The following SLC5A4 variants were observed in gnomAD, a reference collection of about 807,000 sequenced individuals.
The protein encoded by SLC5A4 is probable glucose sensor protein SLC5A4.
SLC5A4 carries 55 observed loss-of-function variants against 70.3 expected under a neutral mutation model. That is an observed-to-expected ratio of 0.78 (90% CI 0.63 to 0.98). The LOEUF (loss-of-function observed/expected upper bound fraction) is 0.98. Ranked by LOEUF, SLC5A4 falls within the 50% of genes least tolerant of loss-of-function variation. SLC5A4 has a pLI of 0.00. For missense variants in SLC5A4, 735 were observed against 839.2 expected (o/e 0.88, Z 1.53); for synonymous variants, 268 against 305.7 (o/e 0.88, Z 1.29).
chr22:32,335,184 T>C, the SLC5A4 span, among the ~76,000 whole-genome samples: 421 of 152,256 alleles, frequency 2.8e-3, 3 homozygotes, highest in African/African-American at 9.7e-3. Flanking sequence ...GCAGCTGTGC[T>C]TCTCTGGCTC....
the SLC5A4 span, among the ~76,000 whole-genome samples, chr22:32,298,810 GT>G: frequency 8.6e-6 from 1 of 115,890 alleles, no homozygotes; most frequent in African/African-American, 3.4e-5. Context: ...TCCTTTCCAT[GT>G]TTAGCACTTC....
At chr22:32,230,928 AC>A (rs1234311807) in intron 10 of SLC5A4, 39 bp downstream of exon 10, 2 of 1,305,766 alleles carry the variant, frequency 1.5e-6, no homozygotes, top group Admixed American at 3.4e-5. Flanking sequence ...CCCGTCTTAG[AC>A]AGGCCTCTGG....
chr22:32,343,454 A>C, the SLC5A4 span, among the ~76,000 whole-genome samples: 1 of 152,240 alleles, frequency 6.6e-6, no homozygotes. Context: ...CGGTAAAAGC[A>C]ACACTCTAAG....
chr22:32,331,565 C>T, the SLC5A4 span, among the ~76,000 whole-genome samples: 1 of 152,132 alleles, frequency 6.6e-6, no homozygotes, highest in Non-Finnish European at 1.5e-5. Context: ...GGCGGGCAAC[C>T]CAGCTATAGT....
At chr22:32,340,505 T>C in the SLC5A4 span, among the ~76,000 whole-genome samples, 1 of 152,182 alleles carries the variant, frequency 6.6e-6, no homozygotes, top group African/African-American at 2.4e-5. Context: ...GCAAACGTTA[T>C]GTCAGGCGGC....
chr22:32,297,405 TA>T, the SLC5A4 span, among the ~76,000 whole-genome samples: 1 of 151,436 alleles, frequency 6.6e-6, no homozygotes, highest in Non-Finnish European at 1.5e-5. Flanking sequence ...TCCAGGAATT[TA>T]TCCATTTCTT....
chr22:32,319,606 C>T, the SLC5A4 span, among the ~76,000 whole-genome samples: 3 of 152,140 alleles, frequency 2.0e-5, no homozygotes, highest in Non-Finnish European at 2.9e-5. Flanking sequence ...TGTCTATATG[C>T]GATTGGTTCT....
the SLC5A4 span, among the ~76,000 whole-genome samples, chr22:32,283,396 A>G: frequency 6.6e-6 from 1 of 152,210 alleles, no homozygotes; most frequent in Non-Finnish European, 1.5e-5. Flanking sequence ...TCCCTGCTTC[A>G]CAATGCAACA....
chr22:32,223,436 C>T (rs768643952), intron 13 of SLC5A4, among the ~76,000 whole-genome samples: 8 of 152,194 alleles, frequency 5.3e-5, no homozygotes, highest in Non-Finnish European at 8.8e-5. Flanking sequence ...TCCCACAACA[C>T]TAATATCAAC....
chr22:32,353,058 G>A, the SLC5A4 span, among the ~76,000 whole-genome samples: 1 of 152,208 alleles, frequency 6.6e-6, no homozygotes, highest in South Asian at 2.1e-4. Flanking sequence ...GCCTCACCTT[G>A]GCATGCTGGC....
At chr22:32,313,354 A>G in the SLC5A4 span, among the ~76,000 whole-genome samples, 1 of 152,182 alleles carries the variant, frequency 6.6e-6, no homozygotes, top group Non-Finnish European at 1.5e-5. Flanking sequence ...AAGTATTCTG[A>G]TTTGGATGAT....
At chr22:32,303,501 G>A in the SLC5A4 span, among the ~76,000 whole-genome samples, 1 of 152,222 alleles carries the variant, frequency 6.6e-6, no homozygotes, top group Non-Finnish European at 1.5e-5. Context: ...TCTCATGTGA[G>A]CAGAAGGAGG....
At chr22:32,311,495 C>G in the SLC5A4 span, among the ~76,000 whole-genome samples, 1 of 152,174 alleles carries the variant, frequency 6.6e-6, no homozygotes, top group Admixed American at 6.5e-5. Context: ...CATAGGTGCC[C>G]CGGGGCAGGA....
At chr22:32,287,533 T>A in the SLC5A4 span, among the ~76,000 whole-genome samples, 15 of 152,038 alleles carry the variant, frequency 9.9e-5, no homozygotes, top group African/African-American at 3.1e-4. Flanking sequence ...AGGCAAGTAA[T>A]ATGTCTCTTC....
the SLC5A4 span, chr22:32,272,907 CCT>C: frequency 1.9e-6 from 1 of 522,176 alleles, no homozygotes; most frequent in African/African-American, 1.9e-5. Flanking sequence ...ACCACACAGG[CCT>C]CAACCTCCGC....
the SLC5A4 span, among the ~76,000 whole-genome samples, chr22:32,350,014 G>A: frequency 6.6e-6 from 1 of 151,980 alleles, no homozygotes; most frequent in East Asian, 1.9e-4. Flanking sequence ...CTAAAGCAAG[G>A]CAAAACAAAG....
chr22:32,343,882 T>C, the SLC5A4 span, among the ~76,000 whole-genome samples: 5 of 152,344 alleles, frequency 3.3e-5, no homozygotes, highest in African/African-American at 9.6e-5. Context: ...TGGTTTGTTA[T>C]ATTGAACTCA....
the SLC5A4 span, among the ~76,000 whole-genome samples, chr22:32,351,024 C>G: frequency 6.6e-6 from 1 of 152,128 alleles, no homozygotes; most frequent in Non-Finnish European, 1.5e-5. Flanking sequence ...GAATCTTGCC[C>G]TAAAAACATT....
At chr22:32,274,101 GTC>G in the SLC5A4 span, among the ~76,000 whole-genome samples, 1 of 150,460 alleles carries the variant, frequency 6.6e-6, no homozygotes, top group African/African-American at 2.5e-5. Flanking sequence ...GTGCAGTGGC[GTC>G]ATCTCGGCTC....
Sources: gnomAD v4.1 joint callset for allele counts (sites outside exome capture counted in the v4.1 genomes callset) on GRCh38, gnomAD v4.1.1 for gene constraint, MANE v1.5 for transcripts, NCBI Gene and HGNC (gene_info 2026-07-23, HGNC 2026-07-21) for gene names.